Variants in ANO4 observed in about 807,000 individuals in gnomAD.
The protein encoded by ANO4 is anoctamin-4.
Under a neutral mutation model 141.9 loss-of-function variants are expected in ANO4, and 69 were observed. The ratio of observed to expected loss-of-function variants is 0.49; its 90% CI spans 0.40 to 0.59. ANO4 has a LOEUF of 0.59. Ranked by LOEUF, ANO4 falls within the 20% of genes least tolerant of loss-of-function variation. The pLI, the probability that ANO4 is intolerant of heterozygous loss-of-function variation, is 0.00. For missense variants in ANO4, 894 were observed against 1,162.2 expected (o/e 0.77, Z 3.36); for synonymous variants, 350 against 394.3 (o/e 0.89, Z 1.33).
At chr12:101,043,698 TGG>T in intron 13 of ANO4, 63 bp downstream of exon 13, 7 of 1,205,654 alleles carry the variant, frequency 5.8e-6, no homozygotes, top group Non-Finnish European at 8.6e-6. Context: ...TGAGGGATGG[TGG>T]GTAACTCTAT....
rs566780466 is a variant in ANO4 at position 101,016,834 on chromosome 12, A to G, written c.735-3200A>G. ...GCGTGTCATCTCACTTAATTGTACAATAGCCCTGTGAAGGTGATTACAGTG... is the reference window on the plus strand; with the variant it reads ...GCGTGTCATCTCACTTAATTGTACAGTAGCCCTGTGAAGGTGATTACAGTG... On this transcript the variant is annotated intron_variant, in intron 8 of 27. Coordinates refer to ENST00000392977, the MANE Select transcript of ANO4 (RefSeq NM_001286615.2). Among the ~76,000 whole-genome samples the G allele has an allele frequency of 2.1e-4, 32 of 152,318 alleles. No homozygotes were observed. In the South Asian group the frequency reaches 5.6e-3, roughly 27 times the overall value.
intron 3 of ANO4, among the ~76,000 whole-genome samples, chr12:100,936,866 T>A (rs951378738): frequency 1.3e-5 from 2 of 152,210 alleles, no homozygotes; most frequent in African/African-American, 4.8e-5. Context: ...AGAGAGAAGT[T>A]TGCTATTCCT....
At chr12:100,819,021 A>G (rs2035882803) in intron 1 of ANO4, among the ~76,000 whole-genome samples, 1 of 136,106 alleles carries the variant, frequency 7.3e-6, no homozygotes, top group Admixed American at 7.5e-5. Flanking sequence ...ATGTGTATAT[A>G]TATATGTATG....
intron 3 of ANO4, among the ~76,000 whole-genome samples, chr12:100,784,432 C>T (rs2033802293): frequency 6.6e-6 from 1 of 152,174 alleles, no homozygotes; most frequent in African/African-American, 2.4e-5. Context: ...ATTTCCTTCT[C>T]CTTTTCTCCA....
chr12:101,113,728 C>A (rs1009187827), intron 24 of ANO4, among the ~76,000 whole-genome samples: 22 of 152,212 alleles, frequency 1.4e-4, no homozygotes, highest in Non-Finnish European at 1.6e-4. Context: ...AAGTCATAAG[C>A]CTTTAGGGTA....
chr12:100,850,693 T>C (rs2037819253), intron 1 of ANO4, among the ~76,000 whole-genome samples: 1 of 150,444 alleles, frequency 6.6e-6, no homozygotes. Context: ...TTGATAAAAA[T>C]TTAGGAAATT....
chr12:101,066,999 A>T, intron 14 of ANO4: 1 of 276,332 alleles, frequency 3.6e-6, no homozygotes, highest in Non-Finnish European at 6.9e-6. Flanking sequence ...AAGTATAACA[A>T]AAAAAAAAAA....
chr12:100,873,317 G>T (rs913159540), intron 1 of ANO4, among the ~76,000 whole-genome samples: 2 of 152,192 alleles, frequency 1.3e-5, no homozygotes, highest in Non-Finnish European at 2.9e-5. Flanking sequence ...GGGCTCAGAG[G>T]AAGACAACTG....
intron 1 of ANO4, among the ~76,000 whole-genome samples, chr12:100,819,657 A>G (rs2035928192): frequency 1.3e-5 from 2 of 152,042 alleles, no homozygotes; most frequent in Admixed American, 6.6e-5. Context: ...TTTTTATGAA[A>G]TAAAGTTTGA....
intron 1 of ANO4, among the ~76,000 whole-genome samples, chr12:100,806,547 TTTTTTTTTTTTTTGTGA>T (rs2035061097): frequency 1.7e-5 from 1 of 59,808 alleles, no homozygotes; most frequent in African/African-American, 8.5e-5. Context: ...TTTTTTTTTT[TTTTTTTTTTTTTTGTGA>T]GACAGAGTCT....
intron 14 of ANO4, among the ~76,000 whole-genome samples, chr12:101,052,584 CA>C (rs2047919757): frequency 1.3e-5 from 2 of 151,968 alleles, no homozygotes; most frequent in Admixed American, 1.3e-4. Context: ...GCTCTTTAAT[CA>C]AAATGACAAG....
intron 14 of ANO4, among the ~76,000 whole-genome samples, chr12:101,074,396 A>G (rs561871558): frequency 6.6e-6 from 1 of 152,312 alleles, no homozygotes; most frequent in East Asian, 1.9e-4. Flanking sequence ...GGATACGGAA[A>G]AAGCACCCCG....
chr12:100,865,292 A>G (rs1384607281), intron 1 of ANO4, among the ~76,000 whole-genome samples: 11 of 152,196 alleles, frequency 7.2e-5, no homozygotes, highest in South Asian at 4.1e-4. Context: ...AATGACAACA[A>G]AAGCCAAAGT....
At chr12:101,065,513 G>A (rs142886337) in intron 14 of ANO4, among the ~76,000 whole-genome samples, 210 of 152,226 alleles carry the variant, frequency 1.4e-3, no homozygotes, top group Middle Eastern at 3.4e-3. Context: ...AAATCTAGAA[G>A]AAATGCACAA....
chr12:101,051,766 G>A (rs1484695471), intron 14 of ANO4, among the ~76,000 whole-genome samples: 2 of 152,176 alleles, frequency 1.3e-5, no homozygotes, highest in African/African-American at 4.8e-5. Context: ...ACTGGGCAGT[G>A]TGAGCTCCTC....
intron 1 of ANO4, among the ~76,000 whole-genome samples, chr12:100,729,317 G>GCAC (rs1202093217): frequency 1.7e-5 from 2 of 115,132 alleles, no homozygotes; most frequent in African/African-American, 6.7e-5. Flanking sequence ...TCACACAATT[G>GCAC]CACTCCAGCC....
At chr12:100,754,131 C>T (rs1310822903) in intron 3 of ANO4, among the ~76,000 whole-genome samples, 1 of 152,236 alleles carries the variant, frequency 6.6e-6, no homozygotes, top group Non-Finnish European at 1.5e-5. Context: ...GTGACTAAGA[C>T]ATGACTCTCT....
chr12:101,037,897 G>A (rs888277203), intron 10 of ANO4, among the ~76,000 whole-genome samples: 3 of 152,182 alleles, frequency 2.0e-5, no homozygotes, highest in Non-Finnish European at 4.4e-5. Flanking sequence ...TAGCCAATGT[G>A]CAGCAACTGT....
chr12:100,880,102 A>G (rs1397244205), intron 1 of ANO4, among the ~76,000 whole-genome samples: 2 of 152,178 alleles, frequency 1.3e-5, no homozygotes, highest in Non-Finnish European at 2.9e-5. Flanking sequence ...GTAGTTTAGC[A>G]TGGCTATAGG....
Sources: gnomAD v4.1 joint callset for allele counts (sites outside exome capture counted in the v4.1 genomes callset) on GRCh38, gnomAD v4.1.1 for gene constraint, MANE v1.5 for transcripts, NCBI Gene and HGNC (gene_info 2026-07-23, HGNC 2026-07-21) for gene names.